Variants in PTPRN2 observed in about 807,000 individuals in gnomAD.
PTPRN2 encodes protein tyrosine phosphatase receptor type N2.
In PTPRN2, 74 loss-of-function variants were observed where a neutral mutation model predicts 118.8. That is an observed-to-expected ratio of 0.62 (90% CI 0.52 to 0.76). PTPRN2 has a LOEUF of 0.76. Among genes scored for constraint, PTPRN2 ranks in the 30% least tolerant of loss-of-function variants. The probability of loss-of-function intolerance (pLI) is 0.00; values close to 1 mark genes in which losing one functional copy is unlikely to be tolerated. For synonymous variants in PTPRN2, 641 were observed against 608.0 expected, an observed-to-expected ratio of 1.05 and a Z score of -0.80; for missense variants, 1,481 against 1,394.4, an observed-to-expected ratio of 1.06 and a Z score of -0.99.
intron 11 of PTPRN2, among the ~76,000 whole-genome samples, chr7:158,019,976 G>A (rs917368230): frequency 3.3e-5 from 5 of 152,172 alleles, no homozygotes; most frequent in East Asian, 3.8e-4. Context: ...GCCATTGGCC[G>A]CGGTCCTGCT....
chr7:158,170,829 C>T (rs112401214), intron 5 of PTPRN2, among the ~76,000 whole-genome samples: 1,799 of 152,134 alleles, frequency 0.012, 27 homozygotes, highest in African/African-American at 0.032. Flanking sequence ...ACCAATGCTA[C>T]GAGCTTAATG....
At chr7:157,855,466 C>T (rs562278024) in intron 12 of PTPRN2, among the ~76,000 whole-genome samples, 63 of 152,338 alleles carry the variant, frequency 4.1e-4, no homozygotes, top group African/African-American at 1.2e-3. Context: ...TGAGTGGTGC[C>T]GCTTCTTGGG....
chr7:157,967,071 A>G (rs1462174502), intron 11 of PTPRN2, among the ~76,000 whole-genome samples: 1 of 152,244 alleles, frequency 6.6e-6, no homozygotes, highest in Non-Finnish European at 1.5e-5. Flanking sequence ...CATAATCCCA[A>G]CACTTTGTGA....
chr7:157,992,974 G>T (rs762280003), intron 11 of PTPRN2, among the ~76,000 whole-genome samples: 3 of 152,226 alleles, frequency 2.0e-5, no homozygotes, highest in African/African-American at 7.2e-5. Context: ...TGGTTTGGGC[G>T]CCTGAGCCTG....
chr7:157,558,382 A>G (rs538934905), intron 21 of PTPRN2, among the ~76,000 whole-genome samples: 45 of 152,358 alleles, frequency 3.0e-4, no homozygotes, highest in African/African-American at 9.6e-4. Context: ...TTCCCAGATC[A>G]GTGCAGAGCA....
intron 3 of PTPRN2, among the ~76,000 whole-genome samples, chr7:158,244,727 A>AGT (rs10580741): frequency 2.0e-5 from 3 of 150,918 alleles, no homozygotes; most frequent in South Asian, 2.1e-4. Flanking sequence ...TTAGAGTGAA[A>AGT]GTGTGTGTGT....
chr7:158,206,893 G>A (rs1827197064), intron 3 of PTPRN2, among the ~76,000 whole-genome samples: 1 of 148,488 alleles, frequency 6.7e-6, no homozygotes, highest in Admixed American at 6.7e-5. Flanking sequence ...GTGCCATGCT[G>A]GTGTGCTGCA....
intron 14 of PTPRN2, among the ~76,000 whole-genome samples, chr7:157,655,805 G>A (rs1018168193): frequency 3.9e-5 from 6 of 152,078 alleles, no homozygotes; most frequent in African/African-American, 1.2e-4. Flanking sequence ...GGCCACACAC[G>A]CGTGATCACT....
intron 11 of PTPRN2, among the ~76,000 whole-genome samples, chr7:158,002,090 T>C (rs1805304535): frequency 6.6e-6 from 1 of 152,184 alleles, no homozygotes; most frequent in African/African-American, 2.4e-5. Context: ...TGGCCAGCAC[T>C]GACCAGCTCT....
chr7:158,586,839 G>A (rs1057487899), intron 1 of PTPRN2, among the ~76,000 whole-genome samples: 2 of 152,178 alleles, frequency 1.3e-5, no homozygotes, highest in Non-Finnish European at 2.9e-5. Context: ...GGCGGAACAC[G>A]AGCGGGGGGC....
chr7:157,651,980 C>G (rs920510405), intron 14 of PTPRN2, among the ~76,000 whole-genome samples: 3 of 152,236 alleles, frequency 2.0e-5, no homozygotes, highest in Non-Finnish European at 4.4e-5. Flanking sequence ...GGCAGGGGCA[C>G]GGACTGCACC....
At chr7:157,778,564 A>G (rs1046681923) in intron 12 of PTPRN2, among the ~76,000 whole-genome samples, 5 of 152,126 alleles carry the variant, frequency 3.3e-5, no homozygotes, top group African/African-American at 7.2e-5. Context: ...GCCCACATAC[A>G]TGTGCATTCA....
intron 2 of PTPRN2, among the ~76,000 whole-genome samples, chr7:158,387,286 C>T (rs1811472179): frequency 6.6e-6 from 1 of 152,200 alleles, no homozygotes; most frequent in South Asian, 2.1e-4. Context: ...ATGCCCAATT[C>T]ACATAGACAC....
intron 1 of PTPRN2, among the ~76,000 whole-genome samples, chr7:158,515,043 G>A (rs547744454): frequency 1.4e-4 from 22 of 152,294 alleles, no homozygotes; most frequent in African/African-American, 5.1e-4. Context: ...GAACATTTAC[G>A]ATGACAAAGA....
intron 9 of PTPRN2, among the ~76,000 whole-genome samples, chr7:158,111,541 A>G (rs544947314): frequency 6.6e-6 from 1 of 152,352 alleles, no homozygotes; most frequent in Admixed American, 6.5e-5. Flanking sequence ...GAAAGTCACA[A>G]GTTGCCTGTG....
intron 12 of PTPRN2, among the ~76,000 whole-genome samples, chr7:157,740,997 A>G (rs936654631): frequency 6.6e-6 from 1 of 152,168 alleles, no homozygotes. Context: ...AGAGAGGAAA[A>G]AATAATCAAA....
At chr7:157,673,339 C>A (rs1050310721) in intron 13 of PTPRN2, among the ~76,000 whole-genome samples, 9 of 152,180 alleles carry the variant, frequency 5.9e-5, no homozygotes, top group African/African-American at 2.2e-4. Context: ...TCATTCTTAA[C>A]CATCAGTAAT....
intron 12 of PTPRN2, among the ~76,000 whole-genome samples, chr7:157,731,845 C>T (rs113285329): frequency 5.2e-3 from 148 of 28,736 alleles, no homozygotes; most frequent in Admixed American, 8.7e-3. Flanking sequence ...CCCTTTTCCG[C>T]CCCATGCGCC....
intron 2 of PTPRN2, among the ~76,000 whole-genome samples, chr7:158,441,459 GATA>G (rs1563297683): frequency 4.3e-4 from 63 of 148,134 alleles, no homozygotes; most frequent in African/African-American, 1.6e-3. Flanking sequence ...CAGTGGTGGT[GATA>G]GTGATGGTCA....
Sources: allele counts gnomAD v4.1 joint callset (sites outside exome capture counted in the v4.1 genomes callset), GRCh38; gene constraint gnomAD v4.1.1; transcripts MANE v1.5; gene names NCBI Gene and HGNC (gene_info 2026-07-23, HGNC 2026-07-21).